ENOX1: variants seen among roughly 807,000 people sequenced by gnomAD.
The protein encoded by ENOX1 is ecto-NOX disulfide-thiol exchanger 1, also known as candidate growth-related and time keeping constitutive hydroquinone (NADH) oxidase.
In ENOX1, 42 loss-of-function variants were observed where a neutral mutation model predicts 82.5. The ratio of observed to expected loss-of-function variants is 0.51; its 90% CI spans 0.40 to 0.66. ENOX1 has a LOEUF of 0.66. Among genes scored for constraint, ENOX1 ranks in the 30% least tolerant of loss-of-function variants. The pLI, the probability that ENOX1 is intolerant of heterozygous loss-of-function variation, is 0.00. For synonymous variants in ENOX1, 271 were observed against 282.2 expected, an observed-to-expected ratio of 0.96 and a Z score of 0.40; for missense variants, 608 against 811.6, an observed-to-expected ratio of 0.75 and a Z score of 3.05.
chr13:43,611,612 G>A (rs534241360), intron 2 of ENOX1, among the ~76,000 whole-genome samples: 1 of 152,258 alleles, frequency 6.6e-6, no homozygotes, highest in South Asian at 2.1e-4. Context: ...GGCCATCTAG[G>A]AAAAACAATG....
intron 12 of ENOX1, among the ~76,000 whole-genome samples, chr13:43,291,360 A>AAAT (rs1157187613): frequency 1.3e-5 from 2 of 152,238 alleles, no homozygotes; most frequent in South Asian, 2.1e-4. Flanking sequence ...AGGGAAACAG[A>AAAT]AATAGTGTGG....
chr13:43,694,357 T>C (rs966409601), intron 1 of ENOX1, among the ~76,000 whole-genome samples: 1 of 152,138 alleles, frequency 6.6e-6, no homozygotes, highest in Non-Finnish European at 1.5e-5. Context: ...CTCCCTCAGC[T>C]CTTATGAAAA....
chr13:43,712,187 C>T (rs1211447517), intron 1 of ENOX1, among the ~76,000 whole-genome samples: 2 of 145,688 alleles, frequency 1.4e-5, no homozygotes, highest in African/African-American at 4.9e-5. Flanking sequence ...GAATCCTTTC[C>T]CCATTGCTTG....
rs2079016725 is a variant in ENOX1, at chr13:43,547,374, C to T, written c.-218-63222G>A. The T allele has an allele frequency of 1.3e-5, 2 of 152,174 alleles. 1 individual carries two copies. The highest frequency in any genetic ancestry group is 4.1e-4 in the South Asian group (2 of 4,834). The allele number at this position is 152,174 out of a possible 1,614,324, so 9.4% of individuals were successfully genotyped here. ...AAATAAAATAGTTTCAAACAGAGAG[C>T]CCTGTGGAAGAATGCACTAACTTAA... On this transcript the variant is annotated intron_variant, in intron 2 of 16. Transcript: ENST00000690772.
At chr13:43,416,564 C>T (rs1324256937) in intron 3 of ENOX1, among the ~76,000 whole-genome samples, 1 of 149,216 alleles carries the variant, frequency 6.7e-6, no homozygotes, top group Non-Finnish European at 1.5e-5. Context: ...GCGATCCTCA[C>T]TTCCCAGACA....
intron 5 of ENOX1, among the ~76,000 whole-genome samples, chr13:43,391,998 T>C (rs1477101292): frequency 2.0e-5 from 3 of 152,180 alleles, no homozygotes; most frequent in East Asian, 1.9e-4. Context: ...AAGCTGGTTG[T>C]CCAGGACTTC....
chr13:43,757,423 C>G (rs1217591399), intron 1 of ENOX1, among the ~76,000 whole-genome samples: 1 of 152,176 alleles, frequency 6.6e-6, no homozygotes, highest in Non-Finnish European at 1.5e-5. Flanking sequence ...CCAAGCTGGC[C>G]AGCTGGATGA....
At chr13:43,677,601 G>C (rs2085571824) in intron 1 of ENOX1, among the ~76,000 whole-genome samples, 1 of 152,150 alleles carries the variant, frequency 6.6e-6, no homozygotes. Flanking sequence ...TTTGACACTT[G>C]ATACCTTGAG....
chr13:43,785,913 C>CCGGAGAGG (rs1453085446), intron 1 of ENOX1, among the ~76,000 whole-genome samples: 6 of 152,060 alleles, frequency 3.9e-5, no homozygotes, highest in African/African-American at 9.7e-5. Context: ...CGTGTCGGGT[C>CCGGAGAGG]CGGAGAGGCG....
intron 2 of ENOX1, among the ~76,000 whole-genome samples, chr13:43,502,949 AT>A (rs2077033324): frequency 6.6e-6 from 1 of 151,548 alleles, no homozygotes; most frequent in Non-Finnish European, 1.5e-5. Flanking sequence ...TGATGACATG[AT>A]TTTATATACA....
At chr13:43,546,756 A>G (rs989148387) in intron 2 of ENOX1, 1 of 152,216 alleles carries the variant, frequency 6.6e-6, no homozygotes, top group African/African-American at 2.4e-5. Context: ...TCTCTCACCT[A>G]TCACCATACA....
Position 43,240,015 on chromosome 13 carries a change from CCT to C in ENOX1, c.1612-3279_1612-3278del, listed in dbSNP as rs999213405. Among the ~76,000 whole-genome samples, 30 of 152,094 alleles carry C rather than the reference CCT, an allele frequency of 2.0e-4. 2 individuals are homozygous for C. Among genetic ancestry groups the C allele is most frequent in the African/African-American group, 7.0e-4 (29 of 41,474 alleles). On this transcript the variant is annotated intron_variant, in intron 14 of 16. Transcript: ENST00000690772. ...AAGTAGATATAAGCAACAACTGTAC[CCT>C]CTCTCTTTGTTTTTATTTAATGTCT...
chr13:43,530,033 T>G (rs1317254103), intron 2 of ENOX1, among the ~76,000 whole-genome samples: 1 of 152,120 alleles, frequency 6.6e-6, no homozygotes, highest in African/African-American at 2.4e-5. Flanking sequence ...CAGATGACTC[T>G]CCTGTGTACA....
At chr13:43,282,705 T>C (rs1378510598) in intron 12 of ENOX1, among the ~76,000 whole-genome samples, 1 of 152,000 alleles carries the variant, frequency 6.6e-6, no homozygotes, top group African/African-American at 2.4e-5. Context: ...ATTACAGGCA[T>C]GAGCCACCAC....
At chr13:43,651,970 C>CAAA (rs35793831) in intron 2 of ENOX1, among the ~76,000 whole-genome samples, 16 of 84,102 alleles carry the variant, frequency 1.9e-4, no homozygotes, top group South Asian at 4.9e-4. Context: ...AACTTCGTCT[C>CAAA]AAAAAAAAAA....
intron 10 of ENOX1, among the ~76,000 whole-genome samples, chr13:43,325,714 A>T (rs149918357): frequency 6.6e-6 from 1 of 152,220 alleles, no homozygotes; most frequent in Admixed American, 6.5e-5. Context: ...AGAAGCAAAG[A>T]CAGTATACTT....
At chr13:43,257,464 C>A (rs763407993) in intron 14 of ENOX1, among the ~76,000 whole-genome samples, 3 of 151,798 alleles carry the variant, frequency 2.0e-5, no homozygotes, top group African/African-American at 4.8e-5. Context: ...ATAACATGGG[C>A]AAATGCTCAT....
intron 1 of ENOX1, among the ~76,000 whole-genome samples, chr13:43,772,697 T>C (rs796882213): frequency 2.8e-5 from 4 of 143,576 alleles, no homozygotes; most frequent in African/African-American, 8.0e-5. Context: ...TGCAGTGAGC[T>C]GAGACTGTGC....
intron 5 of ENOX1, among the ~76,000 whole-genome samples, chr13:43,377,868 G>A (rs1051529352): frequency 2.6e-5 from 4 of 152,202 alleles, no homozygotes; most frequent in South Asian, 4.1e-4. Flanking sequence ...GGTCTGGCCA[G>A]AACACAGGAC....
Sources: gnomAD v4.1 joint callset for allele counts (sites outside exome capture counted in the v4.1 genomes callset) on GRCh38, gnomAD v4.1.1 for gene constraint, MANE v1.5 for transcripts, NCBI Gene and HGNC (gene_info 2026-07-23, HGNC 2026-07-21) for gene names.